The following ZNF462 variants were observed in gnomAD, a reference collection of about 807,000 sequenced individuals.
The protein encoded by ZNF462 is zinc finger protein 462.
ZNF462 carries 10 observed loss-of-function variants against 201.9 expected under a neutral mutation model. The ratio of observed to expected loss-of-function variants is 0.05; its 90% CI spans 0.03 to 0.08. The LOEUF is 0.08. Among genes scored for constraint, ZNF462 ranks in the 10% least tolerant of loss-of-function variants. ZNF462 has a pLI of 1.00. For missense variants in ZNF462, 2,523 were observed against 3,168.3 expected, an observed-to-expected ratio of 0.80 and a Z score of 4.89; for synonymous variants, 1,227 against 1,193.3, an observed-to-expected ratio of 1.03 and a Z score of -0.58.
At chr9:106,864,298 G>A (rs1051842922) in intron 1 of ZNF462, among the ~76,000 whole-genome samples, 13 of 151,806 alleles carry the variant, frequency 8.6e-5, no homozygotes, top group Non-Finnish European at 1.8e-4. Context: ...TGGTGGAGGA[G>A]GACAACGGTT....
chr9:106,924,035 T>C lies in ZNF462; in HGVS notation c.221-98T>C. On this transcript the variant is annotated intron_variant, in intron 2 of 12. Coordinates refer to ENST00000277225, the MANE Select transcript of ZNF462 (RefSeq NM_021224.6). The surrounding 1 kb of genome is among the most constrained non-coding windows in gnomAD (Gnocchi z 6.2). ...GAGACTTCAGGCCTTTTGCATGTGA[T>C]GTTTAGTAATGAAGAATAATTGGAA... 9.7e-7 allele frequency: 1 copy of C among 1,030,646 alleles called. No homozygotes were observed. The highest frequency in any genetic ancestry group is 1.7e-5 in the South Asian group (1 of 59,972). The allele number at this position is 1,030,646 out of a possible 1,614,324, so 63.8% of individuals were successfully genotyped here.
intron 7 of ZNF462, among the ~76,000 whole-genome samples, chr9:106,945,462 A>G (rs898451151): frequency 6.6e-6 from 1 of 152,218 alleles, no homozygotes; most frequent in South Asian, 2.1e-4. Flanking sequence ...CCTTCCACAC[A>G]GGTTCCAATT....
chr9:106,923,418 G>T lies in ZNF462; in HGVS notation c.35G>T (p.Arg12Leu). 6.2e-7 allele frequency: 1 copy of T among 1,614,130 alleles called. No individual in the cohort carries two copies. Among genetic ancestry groups the T allele is most frequent in the Non-Finnish European group, 8.5e-7 (1 of 1,180,028 alleles). ...EVLQCDGCDF[R>L]APSYEDLKAH... ...CTTCAGTGTGATGGCTGTGATTTCCGAGCCCCGTCTTATGAAGATCTCAAG... is the reference window on the plus strand; with the variant it reads ...CTTCAGTGTGATGGCTGTGATTTCCTAGCCCCGTCTTATGAAGATCTCAAG... Residue 12 changes from arginine (R) to leucine (L), a missense_variant, in exon 2 of 13, where the codon CGA becomes CTA. This residue lies in a region of ZNF462 where 480 missense variants were observed against 544.4 expected (regional missense o/e 0.88). Coordinates refer to ENST00000277225, the MANE Select transcript of ZNF462 (RefSeq NM_021224.6). The surrounding 1 kb of genome is among the most constrained non-coding windows in gnomAD (Gnocchi z 5.6).
chr9:106,864,088 CTCTCTCT>C (rs1827202156), intron 1 of ZNF462, among the ~76,000 whole-genome samples: 12 of 134,384 alleles, frequency 8.9e-5, no homozygotes, highest in African/African-American at 3.3e-4. Context: ...CTCTCTCTCT[CTCTCTCT>C]CTCTCTCTCT....
chr9:106,972,157 G>A lies in ZNF462; in HGVS notation c.6580G>A (p.Glu2194Lys). The A allele has an allele frequency of 6.2e-7, 1 of 1,614,184 alleles. No individual in the cohort carries two copies. The change falls in exon 8 of 13, where the codon GAA becomes AAA. Residue 2194 changes from glutamate to lysine, a missense_variant. Coordinates refer to ENST00000277225, the MANE Select transcript of ZNF462 (RefSeq NM_021224.6). This position sits in a 1 kb window ranked among gnomAD's most constrained non-coding sequence, Gnocchi z 4.8. ...EQKTEAVLHC[E>K]FCEFSSGYIQ... Reference sequence around the variant, plus strand: ...GAAAACTGAAGCCGTGCTTCACTGCGAATTCTGTGAATTCTCCTCCGGCTA... The same window carrying A: ...GAAAACTGAAGCCGTGCTTCACTGCAAATTCTGTGAATTCTCCTCCGGCTA...
rs1175727275 is a variant in ZNF462, at chr9:106,932,430, C to T, written c.6013-16C>T. On this transcript the variant is annotated splice_polypyrimidine_tract_variant and intron_variant, in intron 4 of 12. Coordinates refer to ENST00000277225, the MANE Select transcript of ZNF462 (RefSeq NM_021224.6). This position sits in a 1 kb window ranked among gnomAD's most constrained non-coding sequence, Gnocchi z 6.8. ...ACCATTGCAGTCAATGTGACAGAGT[C>T]CTGATGTCCATGCAGGGGCTGCGTT... is the stretch of plus-strand genomic sequence containing the variant. The T allele has an allele frequency of 1.9e-6, 3 of 1,614,096 alleles. No homozygotes were observed. In the East Asian group the frequency reaches 6.7e-5, roughly 36 times the overall value.
intron 1 of ZNF462, among the ~76,000 whole-genome samples, chr9:106,903,377 G>A (rs1395486421): frequency 6.6e-6 from 1 of 152,080 alleles, no homozygotes; most frequent in African/African-American, 2.4e-5. Flanking sequence ...CATTCCATGT[G>A]CTGGTGAATG....
chr9:107,001,457 A>G (rs1027935771), intron 10 of ZNF462, among the ~76,000 whole-genome samples: 1 of 152,184 alleles, frequency 6.6e-6, no homozygotes, highest in Non-Finnish European at 1.5e-5. Flanking sequence ...TTTACAAATG[A>G]AGATATCAAG....
At chr9:106,863,539 GAGGAGGGGGAGGAGGGAGAGC>G (rs1295425764) in intron 1 of ZNF462, among the ~76,000 whole-genome samples, 184 bp downstream of exon 1, 3 of 150,516 alleles carry the variant, frequency 2.0e-5, no homozygotes, top group Non-Finnish European at 4.4e-5. Context: ...GAGAGAAGAG[GAGGAGGGGGAGGAGGGAGAGC>G]AGGAGGGGGA....
rs1827820889 is a variant in ZNF462, at chr9:106,876,107, C to G, written c.-31+12752C>G. Among the ~76,000 whole-genome samples the G allele has an allele frequency of 6.6e-6, 1 of 152,128 alleles. No individual in the cohort carries two copies. The highest frequency in any genetic ancestry group is 1.5e-5 in the Non-Finnish European group (1 of 68,022). On this transcript the variant is annotated intron_variant, in intron 1 of 12. Transcript: ENST00000277225. The surrounding 1 kb of genome is among the most constrained non-coding windows in gnomAD (Gnocchi z 4.9). ...AGTGATGTGTAGTAGGTGGAATATACTCTTTGGGGCCACACAAGCTGAGGC... is the reference window on the plus strand; with the variant it reads ...AGTGATGTGTAGTAGGTGGAATATAGTCTTTGGGGCCACACAAGCTGAGGC...
rs569287655 is a variant in ZNF462, at chr9:106,895,342, C to T, written c.-30-28012C>T. 6.6e-6 allele frequency among the ~76,000 whole-genome samples: 1 copy of T among 152,132 alleles called. No homozygotes were observed. Among genetic ancestry groups the T allele is most frequent in the Non-Finnish European group, 1.5e-5 (1 of 68,022 alleles). On this transcript the variant is annotated intron_variant, in intron 1 of 12. Transcript: ENST00000277225. This position sits in a 1 kb window ranked among gnomAD's most constrained non-coding sequence, Gnocchi z 4.4. Reference sequence around the variant, plus strand: ...CAAGCATTAGCTTCTGCCCGTGCTCCCTTCTAAATATCATGTAGGCTTGAC... The same window carrying T: ...CAAGCATTAGCTTCTGCCCGTGCTCTCTTCTAAATATCATGTAGGCTTGAC...
intron 7 of ZNF462, among the ~76,000 whole-genome samples, chr9:106,942,008 T>C (rs571142904): frequency 6.6e-6 from 1 of 152,312 alleles, no homozygotes; most frequent in South Asian, 2.1e-4. Flanking sequence ...TGTGGGGCTA[T>C]TGGCTCACAG....
chr9:106,943,911 C>G (rs1463749515), intron 7 of ZNF462, among the ~76,000 whole-genome samples: 4 of 152,058 alleles, frequency 2.6e-5, no homozygotes. Flanking sequence ...AAGATGAAAC[C>G]TTAGGGAATG....
Position 106,928,629 on chromosome 9 carries a change from G to C in ZNF462, c.4717G>C (p.Gly1573Arg). 6.2e-7 allele frequency: 1 copy of C among 1,614,152 alleles called. No homozygotes were observed. The change falls in exon 3 of 13, where the codon GGG becomes CGG. Residue 1573 changes from glycine to arginine, a missense_variant. Gly to Arg is a moderately radical substitution (Grantham distance 125). This residue lies in a region of ZNF462 where 200 missense variants were observed against 281.3 expected (regional missense o/e 0.71). Coordinates refer to ENST00000277225, the MANE Select transcript of ZNF462 (RefSeq NM_021224.6). This position sits in a 1 kb window ranked among gnomAD's most constrained non-coding sequence, Gnocchi z 9.3. ...GGAGACGAGCAGGATCTTCAAGCAAGGGTATGGCGCCTACCGGTGCAAACT... is the reference window on the plus strand; with the variant it reads ...GGAGACGAGCAGGATCTTCAAGCAACGGTATGGCGCCTACCGGTGCAAACT... Reference protein sequence around the residue: ...VEETSRIFKQGYGAYRCKLCP... With the variant: ...VEETSRIFKQRYGAYRCKLCP...
chr9:106,940,489 G>A (rs1830820731), intron 7 of ZNF462, among the ~76,000 whole-genome samples: 1 of 152,172 alleles, frequency 6.6e-6, no homozygotes, highest in Non-Finnish European at 1.5e-5. Context: ...TGAGGTCTGT[G>A]AGCAGACACC....
intron 1 of ZNF462, among the ~76,000 whole-genome samples, chr9:106,911,039 C>G (rs972436425): frequency 6.6e-6 from 1 of 152,124 alleles, no homozygotes; most frequent in Non-Finnish European, 1.5e-5. Context: ...CTGATTCTTT[C>G]CTTTGTGGAT....
In ZNF462 at chr9:106,886,202, G is replaced by A. The variant is rs1828309307; in HGVS notation, c.-31+22847G>A. 6.6e-6 allele frequency among the ~76,000 whole-genome samples: 1 copy of A among 152,142 alleles called. No homozygotes were observed. The highest frequency in any genetic ancestry group is 2.4e-5 in the African/African-American group (1 of 41,428). ...CTGACTTAGTAAAAAAGAAAAGTAG[G>A]GGTGGGGTGGTTAAGAAGGTGGCTG... On this transcript the variant is annotated intron_variant, in intron 1 of 12. Coordinates refer to ENST00000277225, the MANE Select transcript of ZNF462 (RefSeq NM_021224.6). This position sits in a 1 kb window ranked among gnomAD's most constrained non-coding sequence, Gnocchi z 4.6.
intron 7 of ZNF462, among the ~76,000 whole-genome samples, chr9:106,941,925 C>T (rs940832728): frequency 6.6e-6 from 1 of 152,158 alleles, no homozygotes; most frequent in African/African-American, 2.4e-5. Flanking sequence ...AGATAGTAGC[C>T]TGTAAATTAG....
Position 106,930,168 on chromosome 9 carries a change from A to C in ZNF462, c.5848-357A>C, listed in dbSNP as rs945220407. On this transcript the variant is annotated intron_variant, in intron 3 of 12. Coordinates refer to ENST00000277225, the MANE Select transcript of ZNF462 (RefSeq NM_021224.6). This position sits in a 1 kb window ranked among gnomAD's most constrained non-coding sequence, Gnocchi z 5.8. ...TTTGCTACATGAACCTAACGTCTCC[A>C]GGAGTAGATTTTATTTTATCAAGAA... Among the ~76,000 whole-genome samples the C allele has an allele frequency of 4.6e-5, 7 of 152,176 alleles. No homozygotes were observed. Among genetic ancestry groups the C allele is most frequent in the South Asian group, 4.1e-4 (2 of 4,826 alleles).
Sources: gnomAD v4.1 joint callset for allele counts (sites outside exome capture counted in the v4.1 genomes callset) on GRCh38, gnomAD v4.1.1 for gene constraint, gnomAD v4.1.1 regional missense constraint, Gnocchi (gnomAD v3.1) non-coding constraint, MANE v1.5 for transcripts, NCBI Gene and HGNC (gene_info 2026-07-23, HGNC 2026-07-21) for gene names.